The following SEMA4D variants were observed in gnomAD, a reference collection of about 807,000 sequenced individuals.
SEMA4D encodes the protein semaphorin 4D, also known as semaphorin-4D.
In SEMA4D, 22 loss-of-function variants were observed where a neutral mutation model predicts 74.8. The ratio of observed to expected loss-of-function variants is 0.29; its 90% CI spans 0.21 to 0.42. The LOEUF (loss-of-function observed/expected upper bound fraction) is 0.42, where lower values mean the gene tolerates loss of function less well. Among genes scored for constraint, SEMA4D ranks in the 10% least tolerant of loss-of-function variants. The probability of loss-of-function intolerance (pLI) is 1.00; values close to 1 mark genes in which losing one functional copy is unlikely to be tolerated. For synonymous variants in SEMA4D, 445 were observed against 463.7 expected, an observed-to-expected ratio of 0.96 and a Z score of 0.52; for missense variants, 937 against 1,118.4, an observed-to-expected ratio of 0.84 and a Z score of 2.31.
At chr9:89,478,560 T>C (rs1862342137) in intron 1 of SEMA4D, among the ~76,000 whole-genome samples, 1 of 152,204 alleles carries the variant, frequency 6.6e-6, no homozygotes, top group African/African-American at 2.4e-5. Context: ...TTCATCCCTA[T>C]GTCCCCTGTG....
chr9:89,442,158 T>A (rs867852087), intron 2 of SEMA4D, among the ~76,000 whole-genome samples: 1 of 131,562 alleles, frequency 7.6e-6, no homozygotes, highest in Non-Finnish European at 1.6e-5. Context: ...CCAGGACACA[T>A]CTTCAGGCCA....
rs1206891675 is a variant in SEMA4D, at chr9:89,379,465, G to C, written c.1828C>G (p.Leu610Val). ...KYGLMGRKNL[L>V]IFNLSEGDSG... ...TCTCCTTCTGACAAGTTGAAGATGA[G>C]CAAGTTTTTTCTGCCCATAAGACCG... The change falls in exon 16 of 16, where the codon CTC becomes GTC. Residue 610 changes from leucine (L) to valine (V), a missense_variant. Transcript: ENST00000422704. 1 of 1,614,200 alleles carries C rather than the reference G, an allele frequency of 6.2e-7. No individual in the cohort carries two copies. Among genetic ancestry groups the C allele is most frequent in the Middle Eastern group, 1.6e-4 (1 of 6,062 alleles).
chr9:89,392,328 G>A (rs1311755479), intron 8 of SEMA4D, 95 bp downstream of exon 8: 2 of 980,730 alleles, frequency 2.0e-6, no homozygotes, highest in Non-Finnish European at 3.1e-6. Flanking sequence ...AAGCTCGGGG[G>A]CCCCCAGGGC....
chr9:89,493,459 C>T (rs73490227), intron 1 of SEMA4D, among the ~76,000 whole-genome samples: 1,637 of 152,282 alleles, frequency 0.011, 36 homozygotes, highest in African/African-American at 0.037. Flanking sequence ...TGGGACACAC[C>T]GGTCAGGAAC....
intron 4 of SEMA4D, among the ~76,000 whole-genome samples, chr9:89,400,025 AAAAAAAAG>A (rs1841844395): frequency 6.6e-6 from 1 of 151,104 alleles, no homozygotes; most frequent in African/African-American, 2.4e-5. Flanking sequence ...AAAAAAAAAA[AAAAAAAAG>A]TGACTCTACA....
chr9:89,461,512 C>T (rs1480346206), intron 1 of SEMA4D, among the ~76,000 whole-genome samples: 9 of 152,114 alleles, frequency 5.9e-5, no homozygotes, highest in Non-Finnish European at 1.2e-4. Context: ...GAGGAGGCAA[C>T]GGTGACTCAC....
At chr9:89,393,475 A>G in intron 7 of SEMA4D, 87 bp downstream of exon 7, 2 of 1,102,532 alleles carry the variant, frequency 1.8e-6, no homozygotes, top group Non-Finnish European at 2.8e-6. Context: ...GGAAGACAGC[A>G]CTTCAGAGAA....
Position 89,377,772 on chromosome 9 carries a change from C to G in SEMA4D, c.*932G>C, listed in dbSNP as rs1032706189. 6.6e-6 allele frequency: 1 copy of G among 152,082 alleles called. No homozygotes were observed. Among genetic ancestry groups the G allele is most frequent in the Non-Finnish European group, 1.5e-5 (1 of 68,042 alleles). The allele number at this position is 152,082 out of a possible 1,614,324, so 9.4% of individuals were successfully genotyped here. On this transcript the variant is annotated 3_prime_UTR_variant, in exon 16 of 16. Transcript: ENST00000422704. ...GACAGCTGTGGGCTCCAGATTGTAC[C>G]GCACTCCCATCTCAGCTCTGGGCCA...
chr9:89,423,441 C>T (rs1201320908), intron 2 of SEMA4D, among the ~76,000 whole-genome samples: 3 of 152,144 alleles, frequency 2.0e-5, no homozygotes, highest in African/African-American at 7.2e-5. Context: ...CCGTCCACCT[C>T]GGCCTCTCAA....
chr9:89,436,551 G>C (rs1028990889), intron 2 of SEMA4D: 6 of 152,414 alleles, frequency 3.9e-5, no homozygotes, highest in African/African-American at 1.2e-4. Flanking sequence ...GCAGGGACAA[G>C]GTCCCGTGGT....
At position 89,462,954 on chromosome 9, in the gene SEMA4D, G is replaced by GGGCGGGGA. The variant is rs140255496; in HGVS notation, c.-309-7002_-309-7001insTCCCCGCC. 2.1e-4 allele frequency among the ~76,000 whole-genome samples: 2 copies of GGGCGGGGA among 9,494 alleles called. 1 individual carries two copies. 6.2% of individuals were successfully genotyped at this position (9,494 alleles called of 152,430 possible). A position where few individuals can be genotyped will look rare whatever the true frequency, so the allele number is the denominator to read the frequency against. ...CAAGACTGTGCTGGAAAGAAAGGAG[G>GGGCGGGGA]GGGGAGCGAGCGAGGGGAGGGGAGC... is the stretch of plus-strand genomic sequence containing the variant. On this transcript the variant is annotated intron_variant, in intron 1 of 15. Coordinates refer to ENST00000422704, the MANE Select transcript of SEMA4D (RefSeq NM_001371194.2).
Position 89,388,832 on chromosome 9 carries a change from T to C in SEMA4D, c.950+40A>G, listed in dbSNP as rs1280521094. The C allele has an allele frequency of 2.5e-6, 4 of 1,607,212 alleles. No individual in the cohort carries two copies. In the African/African-American group the frequency reaches 5.4e-5, roughly 22 times the overall value. On this transcript the variant is annotated intron_variant, in intron 10 of 15. Transcript: ENST00000422704. Reference sequence around the variant, plus strand: ...GAGGTGACGGGACCACCTGGCGGCATCAAGGGAGCAAGGAGGGGGACTCCA... The same window carrying C: ...GAGGTGACGGGACCACCTGGCGGCACCAAGGGAGCAAGGAGGGGGACTCCA...
At chr9:89,448,217 C>G (rs1853450418) in intron 2 of SEMA4D, among the ~76,000 whole-genome samples, 1 of 152,164 alleles carries the variant, frequency 6.6e-6, no homozygotes, top group Admixed American at 6.5e-5. Context: ...CTCAAGTGAT[C>G]CTCCCATCTC....
chr9:89,409,180 G>T (rs564138762), intron 2 of SEMA4D, among the ~76,000 whole-genome samples: 1 of 152,330 alleles, frequency 6.6e-6, no homozygotes, highest in East Asian at 1.9e-4. Flanking sequence ...CCAATCTGTA[G>T]AAGTACATAC....
chr9:89,463,859 A>G (rs1305159622), intron 1 of SEMA4D, among the ~76,000 whole-genome samples: 2 of 150,836 alleles, frequency 1.3e-5, no homozygotes, highest in East Asian at 3.9e-4. Flanking sequence ...GCTTGAACCC[A>G]GGAGGTGGAG....
intron 1 of SEMA4D, among the ~76,000 whole-genome samples, chr9:89,477,253 C>T (rs571483319): frequency 4.2e-5 from 6 of 142,608 alleles, no homozygotes; most frequent in African/African-American, 1.4e-4. Flanking sequence ...GGTACATGCA[C>T]GTACACACAC....
intron 2 of SEMA4D, chr9:89,449,919 G>A: frequency 1.4e-6 from 2 of 1,450,266 alleles, no homozygotes; most frequent in South Asian, 1.1e-5. Context: ...CATCACTAAT[G>A]TAGCTCGTAC....
rs774234804 is a variant in SEMA4D at position 89,362,436 on chromosome 9, A to G, written c.2191-8T>C. ...GTCCTTGCTACAGCTTTCCTGAAAGAACAATGTGGTCTTTGAATCCTTGGT... is the reference window on the plus strand; with the variant it reads ...GTCCTTGCTACAGCTTTCCTGAAAGGACAATGTGGTCTTTGAATCCTTGGT... On this transcript the variant is annotated splice_region_variant and splice_polypyrimidine_tract_variant and intron_variant, in intron 18 of 18. Transcript: ENST00000339861. 3.7e-6 allele frequency: 6 copies of G among 1,613,908 alleles called. No homozygotes were observed. The African/African-American group carries it at 8.0e-5, about 22-fold the overall frequency.
chr9:89,456,399 C>T (rs1264531661), intron 1 of SEMA4D, among the ~76,000 whole-genome samples: 1 of 152,190 alleles, frequency 6.6e-6, no homozygotes, highest in Non-Finnish European at 1.5e-5. Flanking sequence ...TAGTACAAAG[C>T]TCCAAAACAG....
Sources: gnomAD v4.1 joint callset for allele counts (sites outside exome capture counted in the v4.1 genomes callset) on GRCh38, gnomAD v4.1.1 for gene constraint, MANE v1.5 for transcripts, NCBI Gene and HGNC (gene_info 2026-07-23, HGNC 2026-07-21) for gene names.